Variants in CALN1 observed in about 807,000 individuals in gnomAD.
CALN1 encodes calneuron 1, also known as calcium-binding protein 8.
Under a neutral mutation model 30.6 loss-of-function variants are expected in CALN1, and 17 were observed. The ratio of observed to expected loss-of-function variants is 0.56; its 90% CI spans 0.38 to 0.83. CALN1 has a LOEUF of 0.83. CALN1 is among the 40% of genes least tolerant of loss of function. CALN1 has a pLI of 0.00. For missense variants in CALN1, 291 were observed against 354.9 expected, an observed-to-expected ratio of 0.82 and a Z score of 1.45; for synonymous variants, 156 against 131.4, an observed-to-expected ratio of 1.19 and a Z score of -1.28.
chr7:71,804,283 A>T (rs889716918), intron 6 of CALN1, among the ~76,000 whole-genome samples: 1 of 151,894 alleles, frequency 6.6e-6, no homozygotes, highest in African/African-American at 2.4e-5. Flanking sequence ...CTGAGGTGTG[A>T]GGATCACTTG....
At chr7:72,245,780 T>G (rs1255252123) in intron 3 of CALN1, among the ~76,000 whole-genome samples, 1 of 152,216 alleles carries the variant, frequency 6.6e-6, no homozygotes, top group Non-Finnish European at 1.5e-5. Flanking sequence ...GGTCTTTCTT[T>G]GCTAGGCTGA....
intron 4 of CALN1, among the ~76,000 whole-genome samples, chr7:72,100,585 G>A (rs910356223): frequency 1.3e-5 from 2 of 151,992 alleles, no homozygotes; most frequent in East Asian, 3.9e-4. Flanking sequence ...TTGGGAGGCC[G>A]AGACAGGCAG....
At chr7:72,148,519 A>T (rs1042970723) in intron 3 of CALN1, among the ~76,000 whole-genome samples, 79 of 152,262 alleles carry the variant, frequency 5.2e-4, no homozygotes, top group African/African-American at 1.8e-3. Flanking sequence ...AGATTGCTTG[A>T]GCCCAGGAGT....
At chr7:72,426,268 G>A (rs1313782931) in intron 1 of CALN1, among the ~76,000 whole-genome samples, 1 of 152,186 alleles carries the variant, frequency 6.6e-6, no homozygotes, top group Non-Finnish European at 1.5e-5. Flanking sequence ...GATATGGTTT[G>A]GCTCTGTGTC....
chr7:72,182,723 C>A lies in CALN1; in HGVS notation c.245-76429G>T, dbSNP rs375502650. ...TTACAGAGTGAGACTCTGTCTCCAA[C>A]AAAACAAAAAATGAAAAAAAAATGA... On this transcript the variant is annotated intron_variant, in intron 3 of 6. Transcript: ENST00000395275. Among the ~76,000 whole-genome samples, 275 of 84,392 alleles carry A rather than the reference C, an allele frequency of 3.3e-3. 4 individuals are homozygous for A. The East Asian group carries it at 0.038, about 12-fold the overall frequency. 55.4% of individuals were successfully genotyped at this position (84,392 alleles called of 152,430 possible). A position where few individuals can be genotyped will look rare whatever the true frequency, so the allele number is the denominator to read the frequency against.
At chr7:72,054,435 A>ATATATATATACATATATATACACG (rs1563015349) in intron 4 of CALN1, among the ~76,000 whole-genome samples, 125 of 3,212 alleles carry the variant, frequency 0.039, 6 homozygotes, top group African/African-American at 0.071. Context: ...ATATACACGT[A>ATATATATATACATATATATACACG]TATATATATA....
intron 2 of CALN1, among the ~76,000 whole-genome samples, chr7:72,330,568 A>AT (rs1189529588): frequency 3.3e-5 from 5 of 151,444 alleles, no homozygotes; most frequent in African/African-American, 1.2e-4. Context: ...TTATTTCCAT[A>AT]TTTTTTATTG....
At chr7:72,427,413 G>A (rs949640498) in intron 1 of CALN1, among the ~76,000 whole-genome samples, 12 of 152,212 alleles carry the variant, frequency 7.9e-5, no homozygotes, top group Non-Finnish European at 1.6e-4. Context: ...GAAATGAGAT[G>A]AGGGCATTTT....
intron 4 of CALN1, among the ~76,000 whole-genome samples, chr7:72,035,907 A>C (rs1371165705): frequency 6.6e-6 from 1 of 152,208 alleles, no homozygotes; most frequent in African/African-American, 2.4e-5. Flanking sequence ...AGCTTTTATG[A>C]TTGCCCACAT....
the CALN1 span, among the ~76,000 whole-genome samples, chr7:72,487,159 T>C: frequency 6.6e-6 from 1 of 152,118 alleles, no homozygotes; most frequent in Non-Finnish European, 1.5e-5. Context: ...TCAAGTGATC[T>C]CCTGCCTCAG....
chr7:71,908,617 G>A (rs1159974114), intron 5 of CALN1, among the ~76,000 whole-genome samples: 1 of 152,114 alleles, frequency 6.6e-6, no homozygotes, highest in Non-Finnish European at 1.5e-5. Flanking sequence ...TAAACACAAC[G>A]ATGCATAACT....
At chr7:71,978,262 CTTTTTTT>C (rs1010635078) in intron 5 of CALN1, among the ~76,000 whole-genome samples, 2,945 of 72,944 alleles carry the variant, frequency 0.04, 90 homozygotes, top group African/African-American at 0.15. Context: ...CTAGAGAATT[CTTTTTTT>C]TTTTTTTTTT....
intron 2 of CALN1, 120 bp downstream of exon 2, chr7:72,403,129 CAT>C (rs957796415): frequency 3.6e-5 from 24 of 672,190 alleles, no homozygotes; most frequent in Non-Finnish European, 5.7e-5. Context: ...GTGTCCATTT[CAT>C]AGATTCTCCT....
At chr7:72,363,998 G>C (rs941273515) in intron 2 of CALN1, among the ~76,000 whole-genome samples, 1 of 151,900 alleles carries the variant, frequency 6.6e-6, no homozygotes, top group African/African-American at 2.4e-5. Context: ...GTCTCTCAAA[G>C]TGTTGGGATT....
chr7:72,219,739 C>T (rs550901703), intron 3 of CALN1, among the ~76,000 whole-genome samples: 44 of 151,314 alleles, frequency 2.9e-4, no homozygotes, highest in Admixed American at 1.6e-3. Context: ...CAAGCATGCA[C>T]GCACACACAC....
At chr7:71,972,719 C>T (rs569840796) in intron 5 of CALN1, among the ~76,000 whole-genome samples, 9 of 152,252 alleles carry the variant, frequency 5.9e-5, no homozygotes, top group South Asian at 2.1e-4. Context: ...CAGCTTCGTG[C>T]GTGCTTCATT....
At chr7:72,132,053 T>C (rs1809185512) in intron 3 of CALN1, among the ~76,000 whole-genome samples, 1 of 152,176 alleles carries the variant, frequency 6.6e-6, no homozygotes. Flanking sequence ...ATGCAATATA[T>C]GTTTATTGAT....
chr7:72,401,924 G>A (rs936412068), intron 2 of CALN1, among the ~76,000 whole-genome samples: 3 of 152,090 alleles, frequency 2.0e-5, no homozygotes, highest in East Asian at 1.9e-4. Flanking sequence ...TTTTCCAGGG[G>A]AAGTGTTCAA....
intron 5 of CALN1, among the ~76,000 whole-genome samples, chr7:71,947,345 C>T (rs961419659): frequency 2.0e-5 from 3 of 152,060 alleles, no homozygotes; most frequent in African/African-American, 7.2e-5. Context: ...TCAGGCAATG[C>T]AACCACATCA....
Sources: gnomAD v4.1 joint callset for allele counts (sites outside exome capture counted in the v4.1 genomes callset) on GRCh38, gnomAD v4.1.1 for gene constraint, MANE v1.5 for transcripts, NCBI Gene and HGNC (gene_info 2026-07-23, HGNC 2026-07-21) for gene names.